The following TANGO2 variants were observed in gnomAD, a reference collection of about 807,000 sequenced individuals.
The protein encoded by TANGO2 is transport and golgi organization 2 homolog.
Under a neutral mutation model 39.1 loss-of-function variants are expected in TANGO2, and 26 were observed. The ratio of observed to expected loss-of-function variants is 0.67; its 90% confidence interval spans 0.49 to 0.92. The LOEUF is 0.92. TANGO2 is among the 40% of genes least tolerant of loss of function. The pLI is 0.00. For missense variants in TANGO2, 326 were observed against 360.1 expected, an observed-to-expected ratio of 0.91 and a Z score of 0.77; for synonymous variants, 131 against 144.5, an observed-to-expected ratio of 0.91 and a Z score of 0.67.
chr22:20,052,109 G>A (rs550597571), intron 3 of TANGO2, among the ~76,000 whole-genome samples: 3 of 152,324 alleles, frequency 2.0e-5, no homozygotes, highest in East Asian at 1.9e-4. Context: ...GACAGCCAGC[G>A]TCCCTGCACC....
intron 1 of TANGO2, among the ~76,000 whole-genome samples, chr22:20,026,827 GT>G (rs1272834132): frequency 6.6e-6 from 1 of 152,234 alleles, no homozygotes; most frequent in Non-Finnish European, 1.5e-5. Flanking sequence ...GTGGCAACAG[GT>G]TCTGGTGCTA....
chr22:20,060,236 C>G lies in TANGO2; in HGVS notation c.452-1294C>G, dbSNP rs1242037566. ...TGGTGGCGGGTGCCTGTAGTCCCAG[C>G]TACGTGGGAGGCTGAGACAGGAGAA... On this transcript the variant is annotated intron_variant, in intron 6 of 8. Transcript: ENST00000327374. Among the ~76,000 whole-genome samples the G allele has an allele frequency of 2.0e-5, 3 of 151,126 alleles. No homozygotes were observed. In the Admixed American group the frequency reaches 2.0e-4, roughly 10 times the overall value.
In TANGO2 at chr22:20,034,623, C is replaced by T. The variant is rs562854540; in HGVS notation, c.-39-2137C>T. On this transcript the variant is annotated intron_variant, in intron 1 of 8. Transcript: ENST00000327374. The stretch of plus-strand genomic sequence containing the variant: ...CTTCCCTTCACTTATGTGCAATGTC[C>T]CCATAACCCCTGGGGGTGGCTGCGG... Among the ~76,000 whole-genome samples, 11 of 152,282 alleles carry T rather than the reference C, an allele frequency of 7.2e-5. No individual in the cohort carries two copies. In the South Asian group the frequency reaches 8.3e-4, roughly 11 times the overall value.
In TANGO2 at chr22:20,028,411, T is replaced by A. The variant is rs1475889951; in HGVS notation, c.-40+7165T>A. 6.6e-5 allele frequency among the ~76,000 whole-genome samples: 10 copies of A among 152,334 alleles called. No individual in the cohort carries two copies. The East Asian group carries it at 1.2e-3, about 18-fold the overall frequency. On this transcript the variant is annotated intron_variant, in intron 1 of 8. Coordinates refer to ENST00000327374, the MANE Select transcript of TANGO2 (RefSeq NM_152906.7). ...ATGACAGACATGAGCCCTGAAGGGA[T>A]GGGGCTTTGGCCCGTTAAATGTCAC...
At position 20,056,023 on chromosome 22, in the gene TANGO2, C is replaced by A; in HGVS notation, c.451+10C>A. On this transcript the variant is annotated intron_variant, in intron 6 of 8. Transcript: ENST00000327374. ...ATCGTTTTGACGCCAGGTGAGCCTGCCCTGGCAGCCTGATGGGGTGGGGGA... is the reference window on the plus strand; with the variant it reads ...ATCGTTTTGACGCCAGGTGAGCCTGACCTGGCAGCCTGATGGGGTGGGGGA... The A allele has an allele frequency of 6.2e-7, 1 of 1,610,024 alleles. No individual in the cohort carries two copies. Among genetic ancestry groups the A allele is most frequent in the Non-Finnish European group, 8.5e-7 (1 of 1,176,236 alleles).
At chr22:20,021,616 A>G (rs138033850) in intron 1 of TANGO2, among the ~76,000 whole-genome samples, 26 of 152,336 alleles carry the variant, frequency 1.7e-4, no homozygotes, top group Non-Finnish European at 2.9e-4. Flanking sequence ...GTGAGTAGAT[A>G]GTAAGTGCTG....
intron 1 of TANGO2, among the ~76,000 whole-genome samples, chr22:20,035,168 C>T (rs1313358100): frequency 2.0e-5 from 3 of 152,234 alleles, no homozygotes; most frequent in Non-Finnish European, 4.4e-5. Context: ...GCCCATCCCC[C>T]TGACCCAGTG....
Position 20,065,964 on chromosome 22 carries a change from G to A in TANGO2, c.*1302G>A, listed in dbSNP as rs957201979. Reference sequence around the variant, plus strand: ...TCCCTTGTATGCAGGGTGCCAGTGGGAGCTGCTATGTCTCCTGTGCAGCCA... The same window carrying A: ...TCCCTTGTATGCAGGGTGCCAGTGGAAGCTGCTATGTCTCCTGTGCAGCCA... On this transcript the variant is annotated 3_prime_UTR_variant, in exon 9 of 9. Transcript: ENST00000327374. 2.6e-5 allele frequency: 4 copies of A among 152,290 alleles called. No individual in the cohort carries two copies. The highest frequency in any genetic ancestry group is 9.7e-5 in the African/African-American group (4 of 41,434). 9.4% of individuals were successfully genotyped at this position (152,290 alleles called of 1,614,324 possible).
chr22:20,020,960 G>T (rs2146593306), upstream of TANGO2: 1 of 152,180 alleles, frequency 6.6e-6, no homozygotes, highest in East Asian at 1.9e-4. Flanking sequence ...CCAGGAGGTG[G>T]CAGCCTCCGA....
chr22:20,052,745 G>T (rs561203271), intron 4 of TANGO2, among the ~76,000 whole-genome samples, 161 bp downstream of exon 4: 1 of 152,194 alleles, frequency 6.6e-6, no homozygotes, highest in South Asian at 2.1e-4. Flanking sequence ...GAGTGGGATG[G>T]GGCAGGGCTG....
chr22:20,063,446 T>C lies in TANGO2; in HGVS notation c.710+4T>C, dbSNP rs1568925990. ...GCTGCCCTGGCTACGGCACCAGGTA[T>C]TGCAGCACCGTGGGTGCGCCACCTC... On this transcript the variant is annotated splice_donor_region_variant and intron_variant, in intron 8 of 8. Coordinates refer to ENST00000327374, the MANE Select transcript of TANGO2 (RefSeq NM_152906.7). 2 of 1,610,816 alleles carry C rather than the reference T, an allele frequency of 1.2e-6. No homozygotes were observed. The highest frequency in any genetic ancestry group is 1.7e-6 in the Non-Finnish European group (2 of 1,178,198).
Position 20,026,585 on chromosome 22 carries a change from C to T in TANGO2, c.-40+5339C>T, listed in dbSNP as rs977658858. Among the ~76,000 whole-genome samples, 3 of 152,252 alleles carry T rather than the reference C, an allele frequency of 2.0e-5. No homozygotes were observed. The South Asian group carries it at 6.2e-4, about 31-fold the overall frequency. On this transcript the variant is annotated intron_variant, in intron 1 of 8. Transcript: ENST00000327374. Reference sequence around the variant, plus strand: ...CAGCATCACAGGCAGAGCTGAAAGGCAGGGGATGGCTAGGGAGAAAACAGT... The same window carrying T: ...CAGCATCACAGGCAGAGCTGAAAGGTAGGGGATGGCTAGGGAGAAAACAGT...
At chr22:20,029,861 A>G (rs973001595) in intron 1 of TANGO2, among the ~76,000 whole-genome samples, 4 of 152,174 alleles carry the variant, frequency 2.6e-5, no homozygotes, top group African/African-American at 4.8e-5. Flanking sequence ...GCCTGGCCCA[A>G]CTGGAGATGG....
Position 20,061,693 on chromosome 22 carries a change from C to T in TANGO2, c.605+10C>T, listed in dbSNP as rs764427243. The T allele has an allele frequency of 1.3e-5, 20 of 1,541,794 alleles. No individual in the cohort carries two copies. Among genetic ancestry groups the T allele is most frequent in the African/African-American group, 2.7e-5 (2 of 72,950 alleles). On this transcript the variant is annotated intron_variant, in intron 7 of 8. Transcript: ENST00000327374. ...TCAACAATGAAGAGGCGTGAGTGGG[C>T]GGGTCCTGCTGGGGTGAGCCCCAGT...
intron 7 of TANGO2, 61 bp downstream of exon 7, chr22:20,061,744 G>C: frequency 6.8e-7 from 1 of 1,480,772 alleles, no homozygotes; most frequent in Non-Finnish European, 9.0e-7. Flanking sequence ...CAGAGGGAAA[G>C]GCAGGCCCTG....
rs2049062408 is a variant in TANGO2 at position 20,065,251 on chromosome 22, T to C, written c.*589T>C. 6.6e-6 allele frequency: 1 copy of C among 152,438 alleles called. No individual in the cohort carries two copies. Among genetic ancestry groups the C allele is most frequent in the Non-Finnish European group, 1.5e-5 (1 of 68,272 alleles). 9.4% of individuals were successfully genotyped at this position (152,438 alleles called of 1,614,324 possible). A position where few individuals can be genotyped will look rare whatever the true frequency, so the allele number is the denominator to read the frequency against. ...CTCCTGTGGCCACAGAACACAGGCGTGCTTGGACTCTTGACAAGCAGACCT... is the reference window on the plus strand; with the variant it reads ...CTCCTGTGGCCACAGAACACAGGCGCGCTTGGACTCTTGACAAGCAGACCT... On this transcript the variant is annotated 3_prime_UTR_variant, in exon 9 of 9. Coordinates refer to ENST00000327374, the MANE Select transcript of TANGO2 (RefSeq NM_152906.7).
chr22:20,030,201 CTT>C lies in TANGO2; in HGVS notation c.-39-6558_-39-6557del, dbSNP rs1378881648. On this transcript the variant is annotated intron_variant, in intron 1 of 8. Coordinates refer to ENST00000327374, the MANE Select transcript of TANGO2 (RefSeq NM_152906.7). ...TATTTTTTTGAGATGGAGTTTCCCT[CTT>C]GTCTCTTAGGCTGGAGTGCAATGGC... 3.6e-5 allele frequency among the ~76,000 whole-genome samples: 5 copies of C among 138,102 alleles called. No homozygotes were observed. The East Asian group carries it at 8.6e-4, about 24-fold the overall frequency. 90.6% of individuals were successfully genotyped at this position (138,102 alleles called of 152,430 possible).
At chr22:20,049,277 C>T (rs1408892149) in intron 3 of TANGO2, among the ~76,000 whole-genome samples, 1 of 152,180 alleles carries the variant, frequency 6.6e-6, no homozygotes, top group East Asian at 1.9e-4. Context: ...ATGTGTGGGT[C>T]TATTCCTGAC....
At chr22:20,052,732 T>A in intron 4 of TANGO2, 148 bp downstream of exon 4, 1 of 1,055,544 alleles carries the variant, frequency 9.5e-7, no homozygotes. Context: ...TGCTTGTGCT[T>A]GGGAGTGGGA....
Sources: gnomAD v4.1 joint callset for allele counts (sites outside exome capture counted in the v4.1 genomes callset) on GRCh38, gnomAD v4.1.1 for gene constraint, MANE v1.5 for transcripts, NCBI Gene and HGNC (gene_info 2026-07-23, HGNC 2026-07-21) for gene names.